THSD7B: variants seen among roughly 807,000 people sequenced by gnomAD.
The protein encoded by THSD7B is thrombospondin type-1 domain-containing protein 7B.
THSD7B carries 138 observed loss-of-function variants against 213.6 expected under a neutral mutation model. The ratio of observed to expected loss-of-function variants is 0.65; its 90% CI spans 0.56 to 0.74. The LOEUF (loss-of-function observed/expected upper bound fraction) is 0.74. Among genes scored for constraint, THSD7B ranks in the 30% least tolerant of loss-of-function variants. THSD7B has a pLI of 0.00. For missense variants in THSD7B, 1,931 were observed against 1,991.5 expected (o/e 0.97, Z 0.58); for synonymous variants, 742 against 687.0 (o/e 1.08, Z -1.25).
At chr2:137,287,784 G>T (rs965622954) in intron 12 of THSD7B, among the ~76,000 whole-genome samples, 1 of 151,932 alleles carries the variant, frequency 6.6e-6, no homozygotes, top group Admixed American at 6.6e-5. Flanking sequence ...GGTGGGTGGG[G>T]GTAATTTTTT....
At chr2:137,287,238 C>T (rs1415703605) in intron 12 of THSD7B, among the ~76,000 whole-genome samples, 2 of 151,834 alleles carry the variant, frequency 1.3e-5, no homozygotes, top group Admixed American at 6.6e-5. Flanking sequence ...AAAATCTCTC[C>T]TAAATATTAT....
At chr2:137,517,309 G>T (rs760655403) in intron 15 of THSD7B, among the ~76,000 whole-genome samples, 5 of 152,234 alleles carry the variant, frequency 3.3e-5, no homozygotes, top group Non-Finnish European at 5.9e-5. Flanking sequence ...ATGACACTAT[G>T]CTGATTGGAT....
chr2:137,416,661 C>G (rs1433305798), intron 14 of THSD7B, among the ~76,000 whole-genome samples: 1 of 152,160 alleles, frequency 6.6e-6, no homozygotes, highest in Non-Finnish European at 1.5e-5. Context: ...CACACATATG[C>G]CCATATACAG....
rs115975135 is a variant in THSD7B, at chr2:137,574,050, G to T, written c.3423+1494G>T. ...ACTCTTTATTAATCAACCTATAGAA[G>T]AATTAGCAGCCTGAAGAAGTTTAAT... is the stretch of plus-strand genomic sequence containing the variant. On this transcript the variant is annotated intron_variant, in intron 17 of 27. Coordinates refer to ENST00000409968, the MANE Select transcript of THSD7B (RefSeq NM_001316349.2). 4.1e-3 allele frequency among the ~76,000 whole-genome samples: 629 copies of T among 152,170 alleles called. 3 individuals carry two copies. Among genetic ancestry groups the T allele is most frequent in the Middle Eastern group, 6.8e-3 (2 of 294 alleles).
intron 7 of THSD7B, among the ~76,000 whole-genome samples, chr2:137,186,023 G>A (rs1430913878): frequency 1.3e-5 from 2 of 152,106 alleles, no homozygotes; most frequent in Admixed American, 6.6e-5. Context: ...TTGTCCACTT[G>A]TATATCTTCT....
At chr2:137,009,337 A>G (rs1481651915) in intron 2 of THSD7B, among the ~76,000 whole-genome samples, 1 of 152,098 alleles carries the variant, frequency 6.6e-6, no homozygotes, top group Non-Finnish European at 1.5e-5. Flanking sequence ...CAATCTTGGG[A>G]TCATTGACTC....
chr2:137,004,035 G>A (rs974624090), intron 2 of THSD7B, among the ~76,000 whole-genome samples: 4 of 152,106 alleles, frequency 2.6e-5, no homozygotes, highest in Non-Finnish European at 5.9e-5. Context: ...TAAAGGAAAT[G>A]AGCCTTAAGC....
rs555621316 is a variant in THSD7B at position 137,518,896 on chromosome 2, G to A, written c.3139-44325G>A. ...GTGATCGGCCAGCTACTTGGTGGCA[G>A]GTTGATTATATTGGACCTCTTCCAT... On this transcript the variant is annotated intron_variant, in intron 15 of 27. Transcript: ENST00000409968. Among the ~76,000 whole-genome samples, 71 of 152,220 alleles carry A rather than the reference G, an allele frequency of 4.7e-4. 1 individual carries two copies. Among genetic ancestry groups the A allele is most frequent in the Non-Finnish European group, 7.9e-4 (54 of 68,038 alleles).
intron 5 of THSD7B, among the ~76,000 whole-genome samples, chr2:137,135,013 A>G (rs1221126776): frequency 6.6e-6 from 1 of 152,134 alleles, no homozygotes; most frequent in Non-Finnish European, 1.5e-5. Flanking sequence ...GTTTCTTCTG[A>G]GCCTAAGATA....
intron 1 of THSD7B, among the ~76,000 whole-genome samples, chr2:136,853,355 T>A (rs1423799062): frequency 6.6e-6 from 1 of 152,144 alleles, no homozygotes; most frequent in Non-Finnish European, 1.5e-5. Flanking sequence ...TCTCATGTCC[T>A]AAAGAGTTTT....
chr2:137,651,513 C>G (rs559188852), intron 21 of THSD7B, among the ~76,000 whole-genome samples: 2 of 151,698 alleles, frequency 1.3e-5, no homozygotes, highest in South Asian at 4.2e-4. Context: ...TTAAAAAAAA[C>G]AAAGATTTGA....
intron 15 of THSD7B, among the ~76,000 whole-genome samples, chr2:137,465,872 C>T (rs886781459): frequency 3.3e-5 from 5 of 152,100 alleles, no homozygotes; most frequent in African/African-American, 9.7e-5. Flanking sequence ...CCTGAAGCTT[C>T]CAACAACTTT....
At chr2:137,141,476 ATG>A (rs1679583834) in intron 5 of THSD7B, among the ~76,000 whole-genome samples, 1 of 119,672 alleles carries the variant, frequency 8.4e-6, no homozygotes, top group Non-Finnish European at 1.7e-5. Context: ...AGAAACACAC[ATG>A]TGTGCACACA....
At chr2:136,973,688 T>C (rs1685438178) in intron 2 of THSD7B, among the ~76,000 whole-genome samples, 1 of 152,258 alleles carries the variant, frequency 6.6e-6, no homozygotes, top group Non-Finnish European at 1.5e-5. Flanking sequence ...TACCCATCTG[T>C]TTCAAATTGC....
At chr2:137,105,591 A>G (rs1009342289) in intron 4 of THSD7B, among the ~76,000 whole-genome samples, 1 of 152,156 alleles carries the variant, frequency 6.6e-6, no homozygotes, top group South Asian at 2.1e-4. Context: ...AAGGTATTCA[A>G]ATAGGAAGAG....
At chr2:137,108,562 C>A (rs1432224) in intron 4 of THSD7B, among the ~76,000 whole-genome samples, 63,142 of 151,984 alleles carry the variant, frequency 0.42, 14,577 homozygotes, top group Middle Eastern at 0.57. Flanking sequence ...ATTCTAACTA[C>A]GGTCTAGACT....
intron 2 of THSD7B, among the ~76,000 whole-genome samples, chr2:136,916,268 C>T (rs774715463): frequency 3.3e-5 from 5 of 152,202 alleles, no homozygotes; most frequent in Admixed American, 6.5e-5. Context: ...CATATACTAA[C>T]CTCTGCCATG....
At chr2:137,170,332 G>C (rs969530320) in intron 6 of THSD7B, among the ~76,000 whole-genome samples, 1 of 152,048 alleles carries the variant, frequency 6.6e-6, no homozygotes, top group African/African-American at 2.4e-5. Flanking sequence ...ATGCCAGAGA[G>C]GTAATGTATT....
At chr2:137,090,823 G>T (rs535417027) in intron 3 of THSD7B, among the ~76,000 whole-genome samples, 5 of 152,188 alleles carry the variant, frequency 3.3e-5, no homozygotes, top group South Asian at 2.1e-4. Context: ...AAATCTAAGG[G>T]GTGAGTAAAT....
Sources: gnomAD v4.1 joint callset for allele counts (sites outside exome capture counted in the v4.1 genomes callset) on GRCh38, gnomAD v4.1.1 for gene constraint, MANE v1.5 for transcripts, NCBI Gene and HGNC (gene_info 2026-07-23, HGNC 2026-07-21) for gene names.